DNAH3: variants seen among roughly 807,000 people sequenced by gnomAD.
DNAH3 encodes axonemal beta dynein heavy chain 3.
In DNAH3, 332 loss-of-function variants were observed where a neutral mutation model predicts 432.5. The observed-to-expected ratio is 0.77, with a 90% confidence interval of 0.70 to 0.84. The LOEUF (loss-of-function observed/expected upper bound fraction) is 0.84. Ranked by LOEUF, DNAH3 falls within the 40% of genes least tolerant of loss-of-function variation. The pLI, the probability that DNAH3 is intolerant of heterozygous loss-of-function variation, is 0.00. For synonymous variants in DNAH3, 1,956 were observed against 1,900.2 expected (o/e 1.03, Z -0.76); for missense variants, 4,861 against 5,114.0 (o/e 0.95, Z 1.51).
chr16:20,987,173 CA>C, intron 47 of DNAH3, 131 bp downstream of exon 47: 1 of 1,130,542 alleles, frequency 8.8e-7, no homozygotes, highest in Non-Finnish European at 1.3e-6. Context: ...GCAGTTGACT[CA>C]ATACTGTTTC....
At chr16:20,984,991 T>C in intron 48 of DNAH3, 58 bp downstream of exon 48, 1 of 1,449,248 alleles carries the variant, frequency 6.9e-7, no homozygotes, top group Non-Finnish European at 9.3e-7. Flanking sequence ...CTCAGGGCAC[T>C]CAGAAGACCC....
chr16:20,993,270 C>A (rs1411417564), intron 44 of DNAH3, among the ~76,000 whole-genome samples: 1 of 152,132 alleles, frequency 6.6e-6, no homozygotes, highest in African/African-American at 2.4e-5. Flanking sequence ...ACGTTTTCAA[C>A]TGTTCTATAT....
At chr16:21,034,762 A>C (rs2089076916) in intron 35 of DNAH3, among the ~76,000 whole-genome samples, 1 of 152,238 alleles carries the variant, frequency 6.6e-6, no homozygotes, top group Non-Finnish European at 1.5e-5. Context: ...CATCTAAATG[A>C]AGGTAGTGAC....
chr16:20,941,639 TG>T, intron 58 of DNAH3, 96 bp from the exon 59 acceptor site: 1 of 1,462,332 alleles, frequency 6.8e-7, no homozygotes, highest in Non-Finnish European at 9.3e-7. Context: ...ACTTTTCAAA[TG>T]TATTCTGTGG....
intron 7 of DNAH3, among the ~76,000 whole-genome samples, chr16:21,133,841 T>C (rs2092604346): frequency 1.3e-5 from 2 of 152,252 alleles, no homozygotes; most frequent in African/African-American, 2.4e-5. Context: ...GCTTTGGATG[T>C]AGTAAGTTAT....
exon 53 of DNAH3, chr16:20,965,335 T>C: frequency 1.2e-6 from 2 of 1,604,538 alleles, no homozygotes; most frequent in African/African-American, 1.3e-5. Context: ...TGGGGGGATG[T>C]TGTCTTTGTC....
intron 35 of DNAH3, among the ~76,000 whole-genome samples, chr16:21,034,776 G>T (rs79033998): frequency 1.3e-5 from 2 of 152,182 alleles, no homozygotes; most frequent in Non-Finnish European, 2.9e-5. Flanking sequence ...TAGTGACAAC[G>T]GGAGTGGTAG....
At chr16:21,136,138 G>A (rs566774435) in intron 6 of DNAH3, among the ~76,000 whole-genome samples, 186 bp downstream of exon 7, 2 of 152,100 alleles carry the variant, frequency 1.3e-5, no homozygotes, top group South Asian at 2.1e-4. Context: ...TCCAGGCCAG[G>A]CATGGTGCCT....
chr16:21,071,188 A>T (rs2090767743), intron 21 of DNAH3, among the ~76,000 whole-genome samples: 1 of 152,126 alleles, frequency 6.6e-6, no homozygotes, highest in Non-Finnish European at 1.5e-5. Context: ...GATTACAGGC[A>T]AATGACACCA....
chr16:21,034,028 C>G (rs768646066), exon 36 of DNAH3: 1 of 1,613,794 alleles, frequency 6.2e-7, no homozygotes. Flanking sequence ...GAGGTCTTGC[C>G]GCCCATGGGG....
intron 6 of DNAH3, among the ~76,000 whole-genome samples, chr16:21,135,354 T>C (rs16970952): frequency 0.24 from 36,630 of 152,118 alleles, 4,542 homozygotes; most frequent in East Asian, 0.31. Flanking sequence ...GAAAGGTTGG[T>C]AGAAAAGCTT....
exon 40 of DNAH3, chr16:21,021,981 A>G: frequency 6.2e-7 from 1 of 1,613,926 alleles, no homozygotes; most frequent in Non-Finnish European, 8.5e-7. Context: ...CAAGCAGAGA[A>G]GAGTACAGTC....
intron 44 of DNAH3, among the ~76,000 whole-genome samples, chr16:20,996,657 C>A (rs1035263435): frequency 2.0e-5 from 3 of 152,070 alleles, no homozygotes; most frequent in Non-Finnish European, 4.4e-5. Flanking sequence ...TAGGGTTTTG[C>A]CATGTTGGCC....
intron 7 of DNAH3, among the ~76,000 whole-genome samples, chr16:21,131,385 G>C (rs781282264): frequency 2.7e-5 from 4 of 150,918 alleles, no homozygotes; most frequent in Non-Finnish European, 2.9e-5. Flanking sequence ...AGGAAGGAAG[G>C]AAGGAAGGAA....
chr16:20,995,560 G>T (rs1349901632), intron 44 of DNAH3, among the ~76,000 whole-genome samples: 1 of 152,136 alleles, frequency 6.6e-6, no homozygotes, highest in Non-Finnish European at 1.5e-5. Flanking sequence ...ACTGCGCCCA[G>T]ACTCTCTTGG....
intron 34 of DNAH3, among the ~76,000 whole-genome samples, chr16:21,037,170 A>T (rs1235234486): frequency 6.6e-6 from 1 of 152,124 alleles, no homozygotes; most frequent in African/African-American, 2.4e-5. Flanking sequence ...TCAGCTGTGC[A>T]TGGTGGCTCA....
exon 47 of DNAH3, chr16:20,987,391 G>T: frequency 6.2e-7 from 1 of 1,614,110 alleles, no homozygotes; most frequent in Admixed American, 1.7e-5. Flanking sequence ...TCAATCAGAC[G>T]ATCATAGAAG....
intron 12 of DNAH3, among the ~76,000 whole-genome samples, chr16:21,113,632 T>C (rs2092122724): frequency 6.6e-6 from 1 of 152,128 alleles, no homozygotes; most frequent in African/African-American, 2.4e-5. Context: ...CTAATTTTGG[T>C]ATTTTTAATA....
In DNAH3 at chr16:20,936,712, G is replaced by T. The variant is rs1380956240; in HGVS notation, c.11796C>A (p.Tyr3932Ter). ...AGCCCCCCAGAGGCTTCAGTGATGG[G>T]TAAGACTTGGCTGCCCACATGGCTG... The change falls in exon 60 of 62, where the codon TAC becomes TAA. Residue 3932 changes from tyrosine (Y) to a stop codon, truncating the protein, a stop_gained. Coordinates refer to ENST00000261383, the Ensembl canonical transcript of DNAH3. LOFTEE classifies it high-confidence loss of function. The T allele has an allele frequency of 1.1e-5, 17 of 1,609,214 alleles. No individual in the cohort carries two copies. The East Asian group carries it at 3.6e-4, about 34-fold the overall frequency.
Sources: gnomAD v4.1 joint callset for allele counts (sites outside exome capture counted in the v4.1 genomes callset) on GRCh38, gnomAD v4.1.1 for gene constraint, MANE v1.5 for transcripts, NCBI Gene and HGNC (gene_info 2026-07-23, HGNC 2026-07-21) for gene names.